The following INSL6 variants were observed in gnomAD, a reference collection of about 807,000 sequenced individuals.
INSL6 encodes insulin-like peptide INSL6.
In INSL6, 16 loss-of-function variants were observed where a neutral mutation model predicts 9.4. The observed-to-expected ratio is 1.70, with a 90% CI of 1.15 to 2.59. The LOEUF (loss-of-function observed/expected upper bound fraction) is 2.59. Among genes scored for constraint, INSL6 ranks in the 30% most tolerant of loss-of-function variants. The pLI, the probability that INSL6 is intolerant of heterozygous loss-of-function variation, is 0.00. For missense variants in INSL6, 391 were observed against 257.3 expected, an observed-to-expected ratio of 1.52 and a Z score of -3.56; for synonymous variants, 154 against 96.9, an observed-to-expected ratio of 1.59 and a Z score of -3.46.
At chr9:5,034,379 G>C in the INSL6 span, among the ~76,000 whole-genome samples, 2 of 152,106 alleles carry the variant, frequency 1.3e-5, no homozygotes, top group African/African-American at 4.8e-5. Context: ...TTCAGCTCTG[G>C]ACCAAGCAGA....
intron 1 of INSL6, among the ~76,000 whole-genome samples, chr9:5,175,705 T>A (rs753017718): frequency 1.3e-5 from 2 of 152,140 alleles, no homozygotes; most frequent in Non-Finnish European, 2.9e-5. Flanking sequence ...TAGATTCTTA[T>A]AGGAGTGTGA....
At chr9:5,110,365 T>A in the INSL6 span, 1 of 152,258 alleles carries the variant, frequency 6.6e-6, no homozygotes, top group Non-Finnish European at 1.5e-5. Flanking sequence ...ATTTAAAAAA[T>A]CATAGCATTC....
At chr9:5,015,244 G>A in the INSL6 span, among the ~76,000 whole-genome samples, 4 of 152,172 alleles carry the variant, frequency 2.6e-5, no homozygotes, top group Non-Finnish European at 5.9e-5. Context: ...TTCTTGTAAT[G>A]TGTCTCTTGG....
chr9:5,161,535 G>A (rs1224183620), downstream of INSL6, among the ~76,000 whole-genome samples: 2 of 152,168 alleles, frequency 1.3e-5, no homozygotes, highest in Admixed American at 6.5e-5. Context: ...ACCTGACAAG[G>A]TTGTCCCCTT....
At chr9:5,145,731 C>T (rs888993086) in intron 2 of INSL6, among the ~76,000 whole-genome samples, 1 of 152,252 alleles carries the variant, frequency 6.6e-6, no homozygotes, top group South Asian at 2.1e-4. Flanking sequence ...GAGGTTCTTT[C>T]CTCTGTTTGG....
the INSL6 span, among the ~76,000 whole-genome samples, chr9:5,010,875 C>T: frequency 4.6e-5 from 7 of 152,232 alleles, no homozygotes; most frequent in Middle Eastern, 3.4e-3. Context: ...TATAATACAA[C>T]AGATCCAGTA....
chr9:5,085,918 C>A, the INSL6 span: 1 of 1,044,254 alleles, frequency 9.6e-7, no homozygotes, highest in Non-Finnish European at 1.5e-6. Flanking sequence ...TCATACAGAC[C>A]TTTCAAGTCT....
rs112496974 is a variant in INSL6 at position 5,154,064 on chromosome 9, T to G, written c.376+10115A>C. ...AGCTGGAGGCATCACACTACCTAAC[T>G]TCAAACTATACTACAAAGCTACAGT... On this transcript the variant is annotated intron_variant, in intron 2 of 3. Transcript: ENST00000649639. Among the ~76,000 whole-genome samples the G allele has an allele frequency of 6.7e-3, 1,021 of 152,270 alleles. 10 individuals carry two copies. The highest frequency in any genetic ancestry group is 0.023 in the African/African-American group (969 of 41,546).
At chr9:5,083,505 T>C in the INSL6 span, among the ~76,000 whole-genome samples, 1 of 152,230 alleles carries the variant, frequency 6.6e-6, no homozygotes, top group Non-Finnish European at 1.5e-5. Context: ...TCTGGGAACT[T>C]ATAGCATTTA....
At chr9:5,043,895 G>A in the INSL6 span, among the ~76,000 whole-genome samples, 1 of 152,190 alleles carries the variant, frequency 6.6e-6, no homozygotes, top group Non-Finnish European at 1.5e-5. Flanking sequence ...ACAATGCTAT[G>A]AATAAACTAA....
downstream of INSL6, among the ~76,000 whole-genome samples, chr9:5,119,636 T>C (rs975507004): frequency 4.6e-5 from 7 of 152,180 alleles, no homozygotes; most frequent in African/African-American, 1.7e-4. Context: ...TTATAACTTA[T>C]GAAGTAAGGT....
chr9:5,105,006 G>A, the INSL6 span, among the ~76,000 whole-genome samples: 1 of 152,192 alleles, frequency 6.6e-6, no homozygotes, highest in Non-Finnish European at 1.5e-5. Context: ...CAAAAGACAA[G>A]GATGCCCTCT....
At chr9:5,004,773 A>G in the INSL6 span, among the ~76,000 whole-genome samples, 3 of 152,110 alleles carry the variant, frequency 2.0e-5, no homozygotes, top group Non-Finnish European at 2.9e-5. Flanking sequence ...CTTTTTCTCC[A>G]CACACTCACC....
intron 2 of INSL6, among the ~76,000 whole-genome samples, chr9:5,140,719 T>C (rs1237512359): frequency 6.6e-6 from 1 of 152,144 alleles, no homozygotes; most frequent in African/African-American, 2.4e-5. Flanking sequence ...GGATTCATTT[T>C]TTTTTCCCCT....
chr9:5,056,162 A>T, the INSL6 span, among the ~76,000 whole-genome samples: 1 of 152,136 alleles, frequency 6.6e-6, no homozygotes, highest in African/African-American at 2.4e-5. Context: ...TAATTAAAGG[A>T]GAAAAAATAA....
At chr9:5,093,557 A>G in the INSL6 span, among the ~76,000 whole-genome samples, 333 of 152,316 alleles carry the variant, frequency 2.2e-3, no homozygotes, top group African/African-American at 7.8e-3. Flanking sequence ...CATTAATGCA[A>G]ATAAAAACTC....
chr9:5,157,168 A>T (rs1057024256), intron 2 of INSL6, among the ~76,000 whole-genome samples: 1 of 152,196 alleles, frequency 6.6e-6, no homozygotes. Flanking sequence ...TGAAGGCTCA[A>T]TTCTCCTCAA....
chr9:5,160,197 G>C (rs1271998721), downstream of INSL6, among the ~76,000 whole-genome samples: 1 of 137,506 alleles, frequency 7.3e-6, no homozygotes, highest in East Asian at 2.1e-4. Flanking sequence ...AAAAAAAAAA[G>C]TTAGGCCACA....
intron 2 of INSL6, among the ~76,000 whole-genome samples, chr9:5,150,826 A>G (rs1586863871): frequency 6.7e-6 from 1 of 149,010 alleles, no homozygotes; most frequent in African/African-American, 2.5e-5. Context: ...GTATCCATCA[A>G]CAGATGACTG....
Sources: gnomAD v4.1 joint callset for allele counts (sites outside exome capture counted in the v4.1 genomes callset) on GRCh38, gnomAD v4.1.1 for gene constraint, MANE v1.5 for transcripts, NCBI Gene and HGNC (gene_info 2026-07-23, HGNC 2026-07-21) for gene names.